Variants in QKI observed in about 807,000 individuals in gnomAD.
QKI encodes the protein KH domain-containing RNA-binding protein QKI.
A neutral mutation model predicts 39.0 loss-of-function variants in QKI; 10 were observed. The ratio of observed to expected loss-of-function variants is 0.26; its 90% confidence interval spans 0.16 to 0.43. The LOEUF (loss-of-function observed/expected upper bound fraction) is 0.43. Ranked by LOEUF, QKI falls within the 20% of genes least tolerant of loss-of-function variation. The pLI is 1.00. For synonymous variants in QKI, 204 were observed against 155.4 expected (o/e 1.31, Z -2.33); for missense variants, 218 against 428.0 (o/e 0.51, Z 4.33).
At chr6:163,449,596 A>G (rs990577303) in intron 1 of QKI, among the ~76,000 whole-genome samples, 1 of 152,206 alleles carries the variant, frequency 6.6e-6, no homozygotes, top group Non-Finnish European at 1.5e-5. Context: ...AAATCCTGAA[A>G]GTAATTCTTT....
chr6:163,429,179 G>A (rs545135787), intron 1 of QKI, among the ~76,000 whole-genome samples: 1 of 152,284 alleles, frequency 6.6e-6, no homozygotes, highest in East Asian at 1.9e-4. Context: ...AGTTGTTAGA[G>A]ATTTTATGAG....
chr6:163,427,437 C>T (rs2128209713), intron 1 of QKI, among the ~76,000 whole-genome samples: 1 of 151,856 alleles, frequency 6.6e-6, no homozygotes. Context: ...AATAATATAG[C>T]CAGTGACCCA....
rs1253445038 is a variant in QKI at position 163,574,035 on chromosome 6, G to T, written c.*3325G>T. 6.6e-6 allele frequency: 1 copy of T among 152,148 alleles called. No homozygotes were observed. The highest frequency in any genetic ancestry group is 1.5e-5 in the Non-Finnish European group (1 of 68,054). The allele number at this position is 152,148 out of a possible 1,614,324, so 9.4% of individuals were successfully genotyped here. A position where few individuals can be genotyped will look rare whatever the true frequency, so the allele number is the denominator to read the frequency against. Reference sequence around the variant, plus strand: ...GGGGCCGGGGCGGGTGTGGGTGTAGGTGCAGTAGAGATGGGAACAAAGTAG... The same window carrying T: ...GGGGCCGGGGCGGGTGTGGGTGTAGTTGCAGTAGAGATGGGAACAAAGTAG... On this transcript the variant is annotated 3_prime_UTR_variant, in exon 8 of 8. Transcript: ENST00000361752.
chr6:163,499,202 A>G (rs1243542170), intron 3 of QKI, among the ~76,000 whole-genome samples: 1 of 152,176 alleles, frequency 6.6e-6, no homozygotes, highest in African/African-American at 2.4e-5. Flanking sequence ...TTTTGCTGAA[A>G]AACTCTTGCA....
intron 3 of QKI, among the ~76,000 whole-genome samples, chr6:163,509,913 G>C (rs1422550010): frequency 6.6e-6 from 1 of 151,908 alleles, no homozygotes; most frequent in Non-Finnish European, 1.5e-5. Context: ...TGTCATCATG[G>C]ATTAAAAATT....
At position 163,577,429 on chromosome 6, in the gene QKI, A is replaced by G. The variant is rs912204867; in HGVS notation, c.*6719A>G. On this transcript the variant is annotated 3_prime_UTR_variant, in exon 8 of 8. Coordinates refer to ENST00000361752, the MANE Select transcript of QKI (RefSeq NM_006775.3). Reference sequence around the variant, plus strand: ...AAAAAAGTCTGATTGCCCATATTAGATTTTTTTTTTAATTCTTCACAAAAT... The same window carrying G: ...AAAAAAGTCTGATTGCCCATATTAGGTTTTTTTTTTAATTCTTCACAAAAT... 1 of 150,430 alleles carries G rather than the reference A, an allele frequency of 6.6e-6. No individual in the cohort carries two copies. The highest frequency in any genetic ancestry group is 1.5e-5 in the Non-Finnish European group (1 of 67,490). The allele number at this position is 150,430 out of a possible 1,614,324, so 9.3% of individuals were successfully genotyped here. A position where few individuals can be genotyped will look rare whatever the true frequency, so the allele number is the denominator to read the frequency against.
rs397886634 is a variant in QKI, at chr6:163,440,883, T to TA, written c.143-14392dup. Among the ~76,000 whole-genome samples, 439 of 151,398 alleles carry TA rather than the reference T, an allele frequency of 2.9e-3. 2 individuals carry two copies. Among genetic ancestry groups the TA allele is most frequent in the African/African-American group, 9.9e-3 (407 of 41,218 alleles). Reference sequence around the variant, plus strand: ...CATTGGTAAGACAGTTTTTTTTTTTTAAAACAGGTTATACTTTATTCAGGT... The same window carrying TA: ...CATTGGTAAGACAGTTTTTTTTTTTTAAAAACAGGTTATACTTTATTCAGGT... On this transcript the variant is annotated intron_variant, in intron 1 of 7. Transcript: ENST00000361752.
At position 163,511,788 on chromosome 6, in the gene QKI, T is replaced by C. The variant is rs748431450; in HGVS notation, c.403-23194T>C. ...CAAGAAAGAAATATTGTGAATCTTATGTAAAGTCTTCCATTAAGAAAAAAA... is the reference window on the plus strand; with the variant it reads ...CAAGAAAGAAATATTGTGAATCTTACGTAAAGTCTTCCATTAAGAAAAAAA... On this transcript the variant is annotated intron_variant, in intron 3 of 7. Coordinates refer to ENST00000361752, the MANE Select transcript of QKI (RefSeq NM_006775.3). Among the ~76,000 whole-genome samples the C allele has an allele frequency of 8.6e-5, 13 of 151,952 alleles. 1 individual carries two copies. The South Asian group carries it at 1.7e-3, about 19-fold the overall frequency.
intron 1 of QKI, among the ~76,000 whole-genome samples, chr6:163,452,185 T>C (rs1224859834): frequency 2.6e-5 from 4 of 152,212 alleles, no homozygotes; most frequent in Non-Finnish European, 4.4e-5. Context: ...TCGAGTGTTC[T>C]GAATAACACC....
chr6:163,452,080 T>TA (rs1247070167), intron 1 of QKI, among the ~76,000 whole-genome samples: 1 of 152,198 alleles, frequency 6.6e-6, no homozygotes, highest in Non-Finnish European at 1.5e-5. Flanking sequence ...ATTCATTGAA[T>TA]AAGTATATGA....
At chr6:163,468,862 T>G (rs902342562) in intron 2 of QKI, among the ~76,000 whole-genome samples, 1 of 152,092 alleles carries the variant, frequency 6.6e-6, no homozygotes, top group African/African-American at 2.4e-5. Flanking sequence ...GCAAACGATA[T>G]TAACCTGGAA....
intron 3 of QKI, among the ~76,000 whole-genome samples, chr6:163,519,251 TATGAA>T (rs1780007136): frequency 6.6e-6 from 1 of 152,116 alleles, no homozygotes; most frequent in East Asian, 1.9e-4. Context: ...CACATAGTAC[TATGAA>T]ATGAAATGAT....
chr6:163,561,335 A>C (rs1183171006), intron 4 of QKI, among the ~76,000 whole-genome samples: 5 of 152,180 alleles, frequency 3.3e-5, no homozygotes, highest in African/African-American at 9.6e-5. Flanking sequence ...GGCTGGGTGC[A>C]GTGGCTCACA....
intron 3 of QKI, among the ~76,000 whole-genome samples, chr6:163,498,843 T>G (rs898222987): frequency 3.3e-5 from 5 of 152,158 alleles, no homozygotes; most frequent in Non-Finnish European, 7.4e-5. Context: ...GTTATACAGA[T>G]GGAGCATCCG....
chr6:163,483,254 G>C (rs968715704), intron 3 of QKI, among the ~76,000 whole-genome samples: 2 of 152,186 alleles, frequency 1.3e-5, no homozygotes, highest in African/African-American at 4.8e-5. Flanking sequence ...ATCTTTTGCT[G>C]GTGGAAGGCC....
At chr6:163,569,119 G>A in intron 7 of QKI, 4 of 934,826 alleles carry the variant, frequency 4.3e-6, no homozygotes, top group Non-Finnish European at 5.1e-6. Flanking sequence ...GAATACCTGT[G>A]AAGTAGTATG....
At chr6:163,565,429 T>C (rs1783303962) in intron 6 of QKI, 2 of 986,182 alleles carry the variant, frequency 2.0e-6, no homozygotes, top group Non-Finnish European at 2.4e-6. Flanking sequence ...TACTTGTATA[T>C]GATTACCTTA....
At position 163,415,395 on chromosome 6, in the gene QKI, G is replaced by T. The variant is rs1787361182; in HGVS notation, c.142+60G>T. 3.3e-6 allele frequency: 5 copies of T among 1,508,730 alleles called. No homozygotes were observed. In the South Asian group the frequency reaches 4.6e-5, roughly 14 times the overall value. The allele number at this position is 1,508,730 out of a possible 1,614,324, so 93.5% of individuals were successfully genotyped here. A position where few individuals can be genotyped will look rare whatever the true frequency, so the allele number is the denominator to read the frequency against. On this transcript the variant is annotated intron_variant, in intron 1 of 7. Coordinates refer to ENST00000361752, the MANE Select transcript of QKI (RefSeq NM_006775.3). ...CCCCGCCGGGGCGGCCCCTTTCCCCGCTTGGGATGGTGGGGAGGGCGGGAA... is the reference window on the plus strand; with the variant it reads ...CCCCGCCGGGGCGGCCCCTTTCCCCTCTTGGGATGGTGGGGAGGGCGGGAA...
chr6:163,455,546 T>A, intron 2 of QKI, 125 bp downstream of exon 2: 1 of 971,858 alleles, frequency 1.0e-6, no homozygotes, highest in Non-Finnish European at 1.5e-6. Context: ...TCAACTGAAG[T>A]GTGAATAATT....
Sources: allele counts gnomAD v4.1 joint callset (sites outside exome capture counted in the v4.1 genomes callset), GRCh38; gene constraint gnomAD v4.1.1; transcripts MANE v1.5; gene names NCBI Gene and HGNC (gene_info 2026-07-23, HGNC 2026-07-21).